FAAH2: variants seen among roughly 807,000 people sequenced by gnomAD.
FAAH2 encodes the protein fatty-acid amide hydrolase 2.
A neutral mutation model predicts 36.9 loss-of-function variants in FAAH2; 60 were observed. That is an observed-to-expected ratio of 1.63 (90% confidence interval 1.32 to 2.02). FAAH2 has a LOEUF of 2.02. Ranked by LOEUF, FAAH2 falls within the 30% of genes most tolerant of loss-of-function variation. FAAH2 has a pLI of 0.00. For synonymous variants in FAAH2, 214 were observed against 143.8 expected (o/e 1.49, Z -3.49); for missense variants, 689 against 397.5 (o/e 1.73, Z -6.23).
chrX:57,441,063 C>G (rs2056541947), intron 8 of FAAH2, among the ~76,000 whole-genome samples: 2 of 110,992 alleles, frequency 1.8e-5, no homozygotes, highest in African/African-American at 3.3e-5. Context: ...CTAAAATTCT[C>G]TTTTTTTGTT....
At chrX:57,266,160 A>G in the FAAH2 span, among the ~76,000 whole-genome samples, 1 of 111,146 alleles carries the variant, frequency 9.0e-6, no homozygotes, top group African/African-American at 3.3e-5. Flanking sequence ...CTGACTGAAC[A>G]AGACCTCCCA....
intron 10 of FAAH2, among the ~76,000 whole-genome samples, chrX:57,453,893 G>T (rs1047794518): frequency 7.1e-5 from 8 of 112,070 alleles, no homozygotes; most frequent in Non-Finnish European, 1.3e-4. Context: ...ATTGGGGTGT[G>T]CCTTGTTCCA....
chrX:57,187,130 C>A, the FAAH2 span, among the ~76,000 whole-genome samples: 37,224 of 110,222 alleles, frequency 0.34, 5,185 homozygotes, highest in Middle Eastern at 0.6. Context: ...ATGGGAATGG[C>A]ATTAAATCTA....
intron 7 of FAAH2, among the ~76,000 whole-genome samples, chrX:57,414,857 T>TC (rs1276368354): frequency 1.9e-5 from 2 of 106,070 alleles, no homozygotes; most frequent in Non-Finnish European, 3.9e-5. Flanking sequence ...GGGCTTTTTT[T>TC]TTTTTTTTTT....
intron 2 of FAAH2, among the ~76,000 whole-genome samples, chrX:57,300,652 C>A (rs754428715): frequency 1.8e-5 from 2 of 111,411 alleles, no homozygotes; most frequent in Non-Finnish European, 3.8e-5. Flanking sequence ...CAAAAGAAAC[C>A]ACCATCAGAG....
At chrX:57,166,284 G>T in the FAAH2 span, among the ~76,000 whole-genome samples, 1 of 111,426 alleles carries the variant, frequency 9.0e-6, no homozygotes, top group Non-Finnish European at 1.9e-5. Context: ...CGATTTTTCT[G>T]GTACACTAAG....
At chrX:57,404,712 A>G (rs1364031740) in intron 7 of FAAH2, among the ~76,000 whole-genome samples, 1 of 111,802 alleles carries the variant, frequency 8.9e-6, no homozygotes, top group Non-Finnish European at 1.9e-5. Flanking sequence ...AAGCATTAGT[A>G]TCTAGGAGGC....
chrX:57,473,792 T>A (rs1201157960), intron 10 of FAAH2, among the ~76,000 whole-genome samples: 1 of 111,770 alleles, frequency 8.9e-6, no homozygotes, highest in Non-Finnish European at 1.9e-5. Flanking sequence ...GTACCATTGT[T>A]GATCTAAAGT....
the FAAH2 span, among the ~76,000 whole-genome samples, chrX:57,193,456 T>C: frequency 1.8e-5 from 2 of 112,073 alleles, no homozygotes; most frequent in Non-Finnish European, 3.8e-5. Flanking sequence ...TCCATTTGCC[T>C]TGTGATATTC....
Position 57,313,815 on chromosome X carries a change from G to A in FAAH2, c.412+3086G>A, listed in dbSNP as rs186455990. Reference sequence around the variant, plus strand: ...TGTCACAGAGACACTCAAGCTGATAGCTTGCATGCACTATAAAACAACTAT... The same window carrying A: ...TGTCACAGAGACACTCAAGCTGATAACTTGCATGCACTATAAAACAACTAT... On this transcript the variant is annotated intron_variant, in intron 3 of 10. Coordinates refer to ENST00000374900, the MANE Select transcript of FAAH2 (RefSeq NM_174912.4). Among the ~76,000 whole-genome samples, 9 of 111,353 alleles carry A rather than the reference G, an allele frequency of 8.1e-5. No individual in the cohort carries two copies. In the South Asian group the frequency reaches 1.2e-3, roughly 14 times the overall value.
chrX:57,307,489 G>T (rs747490357), intron 2 of FAAH2, among the ~76,000 whole-genome samples: 3 of 111,173 alleles, frequency 2.7e-5, no homozygotes, highest in Non-Finnish European at 5.7e-5. Context: ...AATAAATTAT[G>T]AGGGAAATGT....
At chrX:57,446,235 T>C (rs767005948) in intron 8 of FAAH2, among the ~76,000 whole-genome samples, 2 of 112,100 alleles carry the variant, frequency 1.8e-5, no homozygotes, top group Non-Finnish European at 3.8e-5. Flanking sequence ...TTTCCTACTC[T>C]CTTCAGTGCC....
At chrX:57,420,673 C>T (rs1373080606) in intron 7 of FAAH2, among the ~76,000 whole-genome samples, 1 of 108,610 alleles carries the variant, frequency 9.2e-6, no homozygotes, top group Non-Finnish European at 1.9e-5. Flanking sequence ...CAAACAGGGA[C>T]AATTTGACTT....
At chrX:57,481,703 C>T (rs7882384) in intron 10 of FAAH2, among the ~76,000 whole-genome samples, 1 of 112,068 alleles carries the variant, frequency 8.9e-6, no homozygotes, top group Non-Finnish European at 1.9e-5. Flanking sequence ...CTCTCCCAGT[C>T]GGATGCACAA....
the FAAH2 span, among the ~76,000 whole-genome samples, chrX:57,235,338 G>A: frequency 6.5e-3 from 723 of 111,318 alleles, 4 homozygotes; most frequent in Non-Finnish European, 0.01. Context: ...TAGGTGTTGG[G>A]GATGGTACAT....
chrX:57,224,631 T>C, the FAAH2 span, among the ~76,000 whole-genome samples: 1 of 112,112 alleles, frequency 8.9e-6, no homozygotes, highest in Non-Finnish European at 1.9e-5. Context: ...CACGTACCCC[T>C]GAAGATCAAG....
chrX:57,140,816 T>C, the FAAH2 span, among the ~76,000 whole-genome samples: 1 of 110,878 alleles, frequency 9.0e-6, no homozygotes, highest in Non-Finnish European at 1.9e-5. Flanking sequence ...TAATAGACAC[T>C]AGGATTTCCA....
At chrX:57,170,909 C>A in the FAAH2 span, among the ~76,000 whole-genome samples, 2 of 109,396 alleles carry the variant, frequency 1.8e-5, no homozygotes, top group Non-Finnish European at 3.8e-5. Flanking sequence ...AGGGTTTCAC[C>A]ATGTTGGCCA....
the FAAH2 span, among the ~76,000 whole-genome samples, chrX:57,159,967 T>C: frequency 4.5e-5 from 5 of 111,757 alleles, no homozygotes; most frequent in Admixed American, 4.8e-4. Context: ...TGATATTGAC[T>C]GTGGGTTTGT....
Sources: gnomAD v4.1 joint callset for allele counts (sites outside exome capture counted in the v4.1 genomes callset) on GRCh38, gnomAD v4.1.1 for gene constraint, MANE v1.5 for transcripts, NCBI Gene and HGNC (gene_info 2026-07-23, HGNC 2026-07-21) for gene names.